The following THSD7A variants were observed in gnomAD, a reference collection of about 807,000 sequenced individuals.
The protein encoded by THSD7A is thrombospondin type 1 domain containing 7A, also known as thrombospondin type-1 domain-containing protein 7A.
In THSD7A, 96 loss-of-function variants were observed where a neutral mutation model predicts 231.3. The observed-to-expected ratio is 0.41, with a 90% CI of 0.35 to 0.49. The LOEUF (loss-of-function observed/expected upper bound fraction) is 0.49. Ranked by LOEUF, THSD7A falls within the 20% of genes least tolerant of loss-of-function variation. THSD7A has a pLI of 0.05. For missense variants in THSD7A, 2,290 were observed against 2,070.2 expected (o/e 1.11, Z -2.06); for synonymous variants, 940 against 743.3 (o/e 1.26, Z -4.30).
intron 6 of THSD7A, among the ~76,000 whole-genome samples, chr7:11,496,003 G>T (rs553529040): frequency 5.9e-5 from 9 of 152,112 alleles, no homozygotes; most frequent in Non-Finnish European, 8.8e-5. Context: ...CTGGTATCAT[G>T]AATTTTTAAA....
chr7:11,790,766 G>C (rs146846300), intron 1 of THSD7A, among the ~76,000 whole-genome samples: 4,261 of 151,934 alleles, frequency 0.028, 101 homozygotes, highest in East Asian at 0.14. Context: ...ATAATTACAA[G>C]TTTATAAAAA....
rs372085690 is a variant in THSD7A at position 11,391,925 on chromosome 7, C to A, written c.4412-9309G>T. On this transcript the variant is annotated intron_variant, in intron 23 of 27. Coordinates refer to ENST00000423059, the MANE Select transcript of THSD7A (RefSeq NM_015204.3). ...TTCAGCTTGCCCTCCGTGGGCTGCA[C>A]CCACTGTCCAACGAGTCCCAATGAA... is the stretch of plus-strand genomic sequence containing the variant. Among the ~76,000 whole-genome samples, 89 of 152,192 alleles carry A rather than the reference C, an allele frequency of 5.8e-4. 3 individuals are homozygous for A. In the East Asian group the frequency reaches 0.013, roughly 23 times the overall value.
chr7:11,821,701 CCT>C (rs1220673382), intron 1 of THSD7A, among the ~76,000 whole-genome samples: 1 of 152,018 alleles, frequency 6.6e-6, no homozygotes, highest in Non-Finnish European at 1.5e-5. Context: ...TCTGACGTCC[CCT>C]GTGACTTGGA....
At chr7:11,794,602 G>A (rs978339849) in intron 1 of THSD7A, among the ~76,000 whole-genome samples, 4 of 151,870 alleles carry the variant, frequency 2.6e-5, no homozygotes, top group African/African-American at 9.7e-5. Flanking sequence ...TATTGCTAAG[G>A]GGTCTGTACC....
chr7:11,785,436 C>T (rs899322778), intron 1 of THSD7A, among the ~76,000 whole-genome samples: 1 of 152,042 alleles, frequency 6.6e-6, no homozygotes, highest in Non-Finnish European at 1.5e-5. Flanking sequence ...TTTTTGTGAA[C>T]TCAATCCTAC....
At position 11,636,845 on chromosome 7, in the gene THSD7A, C is replaced by T. The variant is rs761982809; in HGVS notation, c.307G>A (p.Glu103Lys). The T allele has an allele frequency of 1.3e-5, 21 of 1,613,816 alleles. No individual in the cohort carries two copies. The highest frequency in any genetic ancestry group is 1.6e-5 in the Non-Finnish European group (19 of 1,179,894). ...CAATTCTGCTGGTTATTGGGTCTCT[C>T]GGCCTGCTTACAGTTAGTATGCAGT... is the stretch of plus-strand genomic sequence containing the variant. ...TTLHTNCKQA[E>K]RPNNQQNCFK... The change falls in exon 2 of 28, where the codon GAG becomes AAG. Residue 103 changes from glutamate to lysine, a missense_variant. Coordinates refer to ENST00000423059, the MANE Select transcript of THSD7A (RefSeq NM_015204.3). This position sits in a 1 kb window ranked among gnomAD's most constrained non-coding sequence, Gnocchi z 10.0.
At chr7:11,826,769 G>A (rs1251502444) in intron 1 of THSD7A, among the ~76,000 whole-genome samples, 1 of 145,770 alleles carries the variant, frequency 6.9e-6, no homozygotes, top group Non-Finnish European at 1.5e-5. Context: ...CCAAGATCAT[G>A]CCACTGTACT....
At chr7:11,810,197 T>C (rs572925896) in intron 1 of THSD7A, among the ~76,000 whole-genome samples, 1 of 152,302 alleles carries the variant, frequency 6.6e-6, no homozygotes, top group Admixed American at 6.5e-5. Context: ...AGCAGGGAGC[T>C]GTCCTACGGT....
intron 1 of THSD7A, among the ~76,000 whole-genome samples, chr7:11,665,806 T>G (rs1288321935): frequency 2.6e-5 from 4 of 152,022 alleles, no homozygotes; most frequent in South Asian, 4.1e-4. Flanking sequence ...AACGTAAAGT[T>G]ACTAATACAA....
At chr7:11,772,120 T>C (rs892695396) in intron 1 of THSD7A, among the ~76,000 whole-genome samples, 2 of 152,110 alleles carry the variant, frequency 1.3e-5, no homozygotes, top group Admixed American at 1.3e-4. Flanking sequence ...AACAGACTAA[T>C]ACTCTAATCG....
intron 1 of THSD7A, among the ~76,000 whole-genome samples, chr7:11,754,874 C>T (rs1051352240): frequency 4.6e-5 from 7 of 151,952 alleles, no homozygotes; most frequent in African/African-American, 1.2e-4. Flanking sequence ...ATTGACAATA[C>T]GCAGACACTG....
At chr7:11,616,113 A>G (rs1003298382) in intron 2 of THSD7A, among the ~76,000 whole-genome samples, 30 of 152,164 alleles carry the variant, frequency 2.0e-4, no homozygotes, top group African/African-American at 6.8e-4. Flanking sequence ...CCTTTGTTAT[A>G]TACTAAAGTT....
intron 6 of THSD7A, among the ~76,000 whole-genome samples, chr7:11,486,130 T>G (rs1259658033): frequency 6.6e-6 from 1 of 152,204 alleles, no homozygotes; most frequent in African/African-American, 2.4e-5. Flanking sequence ...TTGAGGCTAT[T>G]AATTTTATCT....
rs557289867 is a variant in THSD7A, at chr7:11,832,178, C to T, written c.-232G>A. The T allele has an allele frequency of 1.9e-5, 6 of 309,604 alleles. No homozygotes were observed. The highest frequency in any genetic ancestry group is 3.5e-5 in the Non-Finnish European group (6 of 171,362). The allele number at this position is 309,604 out of a possible 1,614,324, so 19.2% of individuals were successfully genotyped here. On this transcript the variant is annotated 5_prime_UTR_variant, in exon 1 of 28. Coordinates refer to ENST00000423059, the MANE Select transcript of THSD7A (RefSeq NM_015204.3). ...CCGCCTCTGGCGGGGATGCTGCTGC[C>T]GCTGCCATTCCTCGCAGAATGGCAG...
In THSD7A at chr7:11,379,359, C is replaced by A; in HGVS notation, c.4591-79G>T. The A allele has an allele frequency of 2.1e-6, 3 of 1,418,926 alleles. No individual in the cohort carries two copies. The South Asian group carries it at 3.7e-5, about 17-fold the overall frequency. 87.9% of individuals were successfully genotyped at this position (1,418,926 alleles called of 1,614,324 possible). A position where few individuals can be genotyped will look rare whatever the true frequency, so the allele number is the denominator to read the frequency against. ...TAACAGACCTGACTTGAAGAGAAGG[C>A]TTTAAACAAGGTTTGTTTTGGGAAT... On this transcript the variant is annotated intron_variant, in intron 25 of 27. Coordinates refer to ENST00000423059, the MANE Select transcript of THSD7A (RefSeq NM_015204.3).
intron 6 of THSD7A, among the ~76,000 whole-genome samples, chr7:11,529,023 G>A (rs2354950): frequency 0.39 from 59,222 of 151,930 alleles, 11,928 homozygotes; most frequent in East Asian, 0.46. Flanking sequence ...GTAGCTTGTT[G>A]TCTTCTAAAA....
chr7:11,411,071 A>G lies in THSD7A; in HGVS notation c.3798+136T>C. The G allele has an allele frequency of 1.7e-6, 1 of 600,888 alleles. No homozygotes were observed. Among genetic ancestry groups the G allele is most frequent in the Non-Finnish European group, 3.0e-6 (1 of 338,190 alleles). 37.2% of individuals were successfully genotyped at this position (600,888 alleles called of 1,614,324 possible). ...TTGGACATTGTGTCTTTTCAAGAACATACTTAGCCTGTGAACAGTGCAGAA... is the reference window on the plus strand; with the variant it reads ...TTGGACATTGTGTCTTTTCAAGAACGTACTTAGCCTGTGAACAGTGCAGAA... On this transcript the variant is annotated intron_variant, in intron 19 of 27. Coordinates refer to ENST00000423059, the MANE Select transcript of THSD7A (RefSeq NM_015204.3). This position sits in a 1 kb window ranked among gnomAD's most constrained non-coding sequence, Gnocchi z 4.1.
chr7:11,765,807 A>T (rs1174673137), intron 1 of THSD7A, among the ~76,000 whole-genome samples: 1 of 152,114 alleles, frequency 6.6e-6, no homozygotes, highest in Non-Finnish European at 1.5e-5. Context: ...ACATACCCTG[A>T]ACATGTACAG....
At chr7:11,573,894 T>C (rs1466740097) in intron 4 of THSD7A, among the ~76,000 whole-genome samples, 2 of 152,302 alleles carry the variant, frequency 1.3e-5, no homozygotes, top group East Asian at 3.9e-4. Context: ...ATCTTTCCCC[T>C]AAGTAGTTTT....
Sources: allele counts gnomAD v4.1 joint callset (sites outside exome capture counted in the v4.1 genomes callset), GRCh38; gene constraint gnomAD v4.1.1; non-coding constraint Gnocchi (gnomAD v3.1); transcripts MANE v1.5; gene names NCBI Gene and HGNC (gene_info 2026-07-23, HGNC 2026-07-21).